ZNF804B: variants seen among roughly 807,000 people sequenced by gnomAD.
The protein encoded by ZNF804B is zinc finger 804B.
A neutral mutation model predicts 101.4 loss-of-function variants in ZNF804B; 80 were observed. The ratio of observed to expected loss-of-function variants is 0.79; its 90% CI spans 0.66 to 0.95. The LOEUF is 0.95. Among genes scored for constraint, ZNF804B ranks in the 40% least tolerant of loss-of-function variants. The pLI is 0.00. For synonymous variants in ZNF804B, 622 were observed against 558.8 expected (o/e 1.11, Z -1.59); for missense variants, 1,673 against 1,561.9 (o/e 1.07, Z -1.20).
intron 1 of ZNF804B, among the ~76,000 whole-genome samples, chr7:88,778,601 T>A (rs962556817): frequency 6.6e-6 from 1 of 152,188 alleles, no homozygotes; most frequent in Non-Finnish European, 1.5e-5. Flanking sequence ...TTGGGGACAT[T>A]GTCTTCATCT....
chr7:89,198,737 C>A (rs1388396961), intron 1 of ZNF804B, among the ~76,000 whole-genome samples: 1 of 151,734 alleles, frequency 6.6e-6, no homozygotes. Flanking sequence ...ATAAAGCTTT[C>A]TATCAATAAC....
At chr7:89,043,033 T>C (rs540079016) in intron 1 of ZNF804B, among the ~76,000 whole-genome samples, 103 of 152,288 alleles carry the variant, frequency 6.8e-4, no homozygotes, top group Non-Finnish European at 1.2e-3. Flanking sequence ...ATTGACTTCT[T>C]TGGGCAGGAA....
At chr7:88,833,625 C>T (rs571748210) in intron 1 of ZNF804B, among the ~76,000 whole-genome samples, 64 of 151,918 alleles carry the variant, frequency 4.2e-4, no homozygotes, top group South Asian at 1.0e-3. Context: ...TAATATAATG[C>T]AAAAAATCAG....
intron 1 of ZNF804B, among the ~76,000 whole-genome samples, chr7:89,049,004 T>C (rs1037488110): frequency 6.6e-6 from 1 of 151,974 alleles, no homozygotes; most frequent in African/African-American, 2.4e-5. Context: ...AGAAACACAA[T>C]TTCAGGTTCT....
intron 2 of ZNF804B, among the ~76,000 whole-genome samples, chr7:89,285,980 T>C (rs981054554): frequency 2.0e-5 from 3 of 151,108 alleles, no homozygotes; most frequent in African/African-American, 7.4e-5. Context: ...TTTATGATGA[T>C]CCAATTCCAC....
chr7:88,821,353 G>C (rs921050609), intron 1 of ZNF804B, among the ~76,000 whole-genome samples: 88 of 152,288 alleles, frequency 5.8e-4, no homozygotes, highest in African/African-American at 2.1e-3. Flanking sequence ...AGATAGATAT[G>C]ATGAATCTAT....
intron 1 of ZNF804B, among the ~76,000 whole-genome samples, chr7:89,074,347 A>G (rs1430515524): frequency 6.6e-6 from 1 of 152,204 alleles, no homozygotes; most frequent in Non-Finnish European, 1.5e-5. Context: ...AAGTCCCACA[A>G]TTCCCATGTG....
intron 1 of ZNF804B, among the ~76,000 whole-genome samples, chr7:89,133,100 G>A (rs922050954): frequency 3.9e-5 from 6 of 151,976 alleles, no homozygotes; most frequent in Admixed American, 2.0e-4. Flanking sequence ...AAATTTACTG[G>A]ATGGGTTTGA....
chr7:89,258,481 A>T lies in ZNF804B; in HGVS notation c.249+40186A>T, dbSNP rs558337190. On this transcript the variant is annotated intron_variant, in intron 2 of 3. Coordinates refer to ENST00000333190, the MANE Select transcript of ZNF804B (RefSeq NM_181646.5). The stretch of plus-strand genomic sequence containing the variant: ...ATAACAAAATAATTTAGGAAAAGCC[A>T]TATAGTTGAATAAATGGTTATTCCA... Among the ~76,000 whole-genome samples, 10 of 152,224 alleles carry T rather than the reference A, an allele frequency of 6.6e-5. 1 individual carries two copies. Among genetic ancestry groups the T allele is most frequent in the Non-Finnish European group, 1.3e-4 (9 of 68,024 alleles).
chr7:88,781,407 A>G (rs1447341446), intron 1 of ZNF804B, among the ~76,000 whole-genome samples: 1 of 152,144 alleles, frequency 6.6e-6, no homozygotes, highest in Admixed American at 6.6e-5. Flanking sequence ...TCTTCAGCCT[A>G]CTGACTCCTT....
At chr7:89,006,870 C>A (rs984635781) in intron 1 of ZNF804B, among the ~76,000 whole-genome samples, 1 of 152,030 alleles carries the variant, frequency 6.6e-6, no homozygotes, top group Non-Finnish European at 1.5e-5. Context: ...AACAATGTCA[C>A]CACAGGCCAT....
chr7:89,178,771 T>C (rs1245733512), intron 1 of ZNF804B, among the ~76,000 whole-genome samples: 1 of 152,166 alleles, frequency 6.6e-6, no homozygotes, highest in African/African-American at 2.4e-5. Context: ...GCTTTTTGCA[T>C]TTAAAAGATT....
chr7:88,860,081 T>G (rs1791624788), intron 1 of ZNF804B, among the ~76,000 whole-genome samples: 1 of 152,026 alleles, frequency 6.6e-6, no homozygotes, highest in Non-Finnish European at 1.5e-5. Flanking sequence ...TTTTAAAATC[T>G]GGTTACACTG....
chr7:89,147,081 A>T (rs1790802185), intron 1 of ZNF804B, among the ~76,000 whole-genome samples: 1 of 146,182 alleles, frequency 6.8e-6, no homozygotes, highest in African/African-American at 2.6e-5. Flanking sequence ...TAGGATAATC[A>T]GGTATATATA....
chr7:89,181,032 C>G (rs1788288172), intron 1 of ZNF804B, among the ~76,000 whole-genome samples: 1 of 151,304 alleles, frequency 6.6e-6, no homozygotes, highest in Non-Finnish European at 1.5e-5. Context: ...TGCCTGGTAC[C>G]CTACTCTACT....
At chr7:88,916,768 A>G (rs1007768286) in intron 1 of ZNF804B, among the ~76,000 whole-genome samples, 1 of 152,166 alleles carries the variant, frequency 6.6e-6, no homozygotes, top group Non-Finnish European at 1.5e-5. Flanking sequence ...GTATATTTTC[A>G]AAGACATATT....
At chr7:89,210,585 G>A (rs1735896598) in intron 1 of ZNF804B, among the ~76,000 whole-genome samples, 1 of 152,128 alleles carries the variant, frequency 6.6e-6, no homozygotes, top group African/African-American at 2.4e-5. Context: ...TTATAAGTAA[G>A]AACATGTGAC....
intron 1 of ZNF804B, among the ~76,000 whole-genome samples, chr7:88,954,364 G>A (rs1793270272): frequency 6.6e-6 from 1 of 151,556 alleles, no homozygotes; most frequent in Non-Finnish European, 1.5e-5. Flanking sequence ...AAATAATTGA[G>A]GGTAACCGAA....
intron 1 of ZNF804B, among the ~76,000 whole-genome samples, chr7:88,953,821 A>G (rs1158651225): frequency 6.6e-6 from 1 of 151,790 alleles, no homozygotes; most frequent in Non-Finnish European, 1.5e-5. Context: ...ATATAAATAT[A>G]TGTTTAATAC....
Sources: allele counts gnomAD v4.1 joint callset (sites outside exome capture counted in the v4.1 genomes callset), GRCh38; gene constraint gnomAD v4.1.1; transcripts MANE v1.5; gene names NCBI Gene and HGNC (gene_info 2026-07-23, HGNC 2026-07-21).